Variants in ELOVL7 observed in about 807,000 individuals in gnomAD.
ELOVL7 encodes the protein very long chain fatty acid elongase 7.
ELOVL7 carries 27 observed loss-of-function variants against 35.7 expected under a neutral mutation model. That is an observed-to-expected ratio of 0.76 (90% CI 0.56 to 1.04). The LOEUF is 1.04. Among genes scored for constraint, ELOVL7 ranks in the 50% least tolerant of loss-of-function variants. The probability of loss-of-function intolerance (pLI) is 0.00; values close to 1 mark genes in which losing one functional copy is unlikely to be tolerated. For synonymous variants in ELOVL7, 113 were observed against 114.6 expected, an observed-to-expected ratio of 0.99 and a Z score of 0.09; for missense variants, 327 against 340.8, an observed-to-expected ratio of 0.96 and a Z score of 0.32.
chr5:60,763,781 T>C (rs187369156), intron 7 of ELOVL7, among the ~76,000 whole-genome samples: 342 of 152,182 alleles, frequency 2.2e-3, no homozygotes, highest in Non-Finnish European at 3.4e-3. Context: ...CTATTAGGGG[T>C]TAGAGTGTGT....
At position 60,772,053 on chromosome 5, in the gene ELOVL7, C is replaced by T. The variant is rs369032241; in HGVS notation, c.105G>A (p.Leu35=). The T allele has an allele frequency of 2.2e-4, 360 of 1,612,974 alleles. 3 individuals carry two copies. The South Asian group carries it at 3.7e-3, about 17-fold the overall frequency. ...VEDWLLMSSP[L]PQTILLGFYV... is the part of the protein sequence containing the mutation. ...AGAATCCTAGGAGGATGGTTTGTGG[C>T]AGAGGCGAGGACATGAGGAGCCAAT... is the stretch of plus-strand genomic sequence containing the variant. Residue 35 remains leucine (L), a synonymous_variant, in exon 4 of 9, where the codon CTG becomes CTA. Transcript: ENST00000508821.
intron 3 of ELOVL7, among the ~76,000 whole-genome samples, chr5:60,780,942 G>A (rs902995284): frequency 6.6e-6 from 1 of 152,180 alleles, no homozygotes; most frequent in Admixed American, 6.5e-5. Flanking sequence ...CAGGCGCCAT[G>A]GCTCACACCT....
chr5:60,784,917 C>G (rs913831846), intron 3 of ELOVL7, among the ~76,000 whole-genome samples: 1 of 152,190 alleles, frequency 6.6e-6, no homozygotes, highest in Non-Finnish European at 1.5e-5. Context: ...CAGATGAAAT[C>G]TATCATCTGT....
chr5:60,815,724 T>C (rs1418861211), intron 1 of ELOVL7, among the ~76,000 whole-genome samples: 1 of 152,124 alleles, frequency 6.6e-6, no homozygotes, highest in African/African-American at 2.4e-5. Context: ...TGCGCCACCA[T>C]GCCTGGCTAA....
At chr5:60,787,224 G>T in intron 3 of ELOVL7, 110 bp downstream of exon 3, 2 of 838,310 alleles carry the variant, frequency 2.4e-6, no homozygotes, top group Non-Finnish European at 3.8e-6. Context: ...AGTAATAAGG[G>T]ACTGTTAAGT....
In ELOVL7 at chr5:60,753,176, ACAT is replaced by A. The variant is rs1741356576; in HGVS notation, c.*1445_*1447del. 1 of 152,004 alleles carries A rather than the reference ACAT, an allele frequency of 6.6e-6. No individual in the cohort carries two copies. Among genetic ancestry groups the A allele is most frequent in the Non-Finnish European group, 1.5e-5 (1 of 67,988 alleles). 9.4% of individuals were successfully genotyped at this position (152,004 alleles called of 1,614,324 possible). ...GTACTAATTGTTTAAAGTCCTACAAACATAAACAGTGCTTCAAAATTGAGTATA... is the reference window on the plus strand; with the variant it reads ...GTACTAATTGTTTAAAGTCCTACAAAAAACAGTGCTTCAAAATTGAGTATA... On this transcript the variant is annotated 3_prime_UTR_variant, in exon 9 of 9. Coordinates refer to ENST00000508821, the MANE Select transcript of ELOVL7 (RefSeq NM_024930.3).
intron 1 of ELOVL7, among the ~76,000 whole-genome samples, chr5:60,826,651 T>C (rs1279201407): frequency 6.6e-6 from 1 of 152,232 alleles, no homozygotes; most frequent in East Asian, 1.9e-4. Context: ...TTCCTGTTTC[T>C]ACAAAATCTC....
Position 60,754,639 on chromosome 5 carries a change from T to C in ELOVL7, c.831A>G (p.Lys277=). 6.2e-7 allele frequency: 1 copy of C among 1,614,182 alleles called. No homozygotes were observed. The highest frequency in any genetic ancestry group is 8.5e-7 in the Non-Finnish European group (1 of 1,180,010). ...LPKTVKNGTC[K]NKDN Reference sequence around the variant, plus strand: ...ATGTTGGGCTTCAATTATCTTTGTTTTTGCAAGTTCCATTTTTCACAGTTT... The same window carrying C: ...ATGTTGGGCTTCAATTATCTTTGTTCTTGCAAGTTCCATTTTTCACAGTTT... Residue 277 remains lysine (K), a synonymous_variant, in exon 9 of 9, where the codon AAA becomes AAG. Coordinates refer to ENST00000508821, the MANE Select transcript of ELOVL7 (RefSeq NM_024930.3).
At chr5:60,822,455 G>GAGC in intron 1 of ELOVL7, among the ~76,000 whole-genome samples, 1 of 152,212 alleles carries the variant, frequency 6.6e-6, no homozygotes, top group South Asian at 2.1e-4. Context: ...CTAAGAGCAA[G>GAGC]AAGACCGAGT....
At chr5:60,801,276 C>T (rs564696704) in intron 1 of ELOVL7, among the ~76,000 whole-genome samples, 1 of 152,234 alleles carries the variant, frequency 6.6e-6, no homozygotes, top group East Asian at 1.9e-4. Context: ...TAACCAATCC[C>T]CCACAGATGT....
At chr5:60,824,503 T>A (rs997335363) in intron 1 of ELOVL7, among the ~76,000 whole-genome samples, 2 of 152,216 alleles carry the variant, frequency 1.3e-5, no homozygotes, top group Non-Finnish European at 2.9e-5. Context: ...TTTGTTTCAT[T>A]TTCCTATGGA....
chr5:60,791,920 T>C (rs1022666159), intron 2 of ELOVL7, among the ~76,000 whole-genome samples: 1 of 152,186 alleles, frequency 6.6e-6, no homozygotes, highest in African/African-American at 2.4e-5. Context: ...TTTCCTCTTC[T>C]TCTTTCACTG....
intron 1 of ELOVL7, among the ~76,000 whole-genome samples, chr5:60,820,209 C>G (rs1335793652): frequency 6.6e-6 from 1 of 152,186 alleles, no homozygotes; most frequent in East Asian, 1.9e-4. Context: ...CCTGAATGAG[C>G]TTAGAAATGG....
chr5:60,766,646 T>C lies in ELOVL7; in HGVS notation c.337-16A>G, dbSNP rs1742254213. The C allele has an allele frequency of 1.2e-6, 2 of 1,602,600 alleles. No individual in the cohort carries two copies. The highest frequency in any genetic ancestry group is 2.3e-5 in the South Asian group (2 of 88,200). ...TACGTGCCATCTGCAGAAGCACAAA[T>C]AAATCTAAATTTATTTTGTATATGG... On this transcript the variant is annotated splice_polypyrimidine_tract_variant and intron_variant, in intron 5 of 8. Transcript: ENST00000508821.
Position 60,828,178 on chromosome 5 carries a change from C to T in ELOVL7, c.-86+15982G>A, listed in dbSNP as rs75231442. On this transcript the variant is annotated intron_variant, in intron 1 of 8. Coordinates refer to ENST00000508821, the MANE Select transcript of ELOVL7 (RefSeq NM_024930.3). ...TGCTTGTGGGCTTCATTAACAGGAC[C>T]CCTTTGACCCCTCACCCTCACCTCG... Among the ~76,000 whole-genome samples, 214 of 152,138 alleles carry T rather than the reference C, an allele frequency of 1.4e-3. No individual in the cohort carries two copies. In the East Asian group the frequency reaches 0.036, roughly 26 times the overall value.
chr5:60,805,371 A>T (rs1420326399), intron 1 of ELOVL7, among the ~76,000 whole-genome samples: 2 of 152,234 alleles, frequency 1.3e-5, no homozygotes, highest in Admixed American at 1.3e-4. Context: ...AAGGATGGAA[A>T]CAATAGGAAG....
chr5:60,763,384 T>C (rs1161561590), intron 7 of ELOVL7, among the ~76,000 whole-genome samples: 3 of 152,194 alleles, frequency 2.0e-5, no homozygotes, highest in Admixed American at 2.0e-4. Flanking sequence ...AGTTCCTCAA[T>C]TGTGGTTCCC....
chr5:60,782,709 C>T (rs1046603955), intron 3 of ELOVL7, among the ~76,000 whole-genome samples: 1 of 152,088 alleles, frequency 6.6e-6, no homozygotes, highest in Non-Finnish European at 1.5e-5. Flanking sequence ...CACAAAAAGG[C>T]AAGACATGTT....
intron 1 of ELOVL7, among the ~76,000 whole-genome samples, chr5:60,810,243 C>G (rs1213110639): frequency 2.0e-5 from 3 of 152,112 alleles, no homozygotes; most frequent in Admixed American, 6.5e-5. Flanking sequence ...CAGGTTGGCC[C>G]AGTTTAAGGC....
Sources: gnomAD v4.1 joint callset for allele counts (sites outside exome capture counted in the v4.1 genomes callset) on GRCh38, gnomAD v4.1.1 for gene constraint, MANE v1.5 for transcripts, NCBI Gene and HGNC (gene_info 2026-07-23, HGNC 2026-07-21) for gene names.